Variants in ARFGEF2 observed in about 807,000 individuals in gnomAD.
The protein encoded by ARFGEF2 is ARF guanine nucleotide exchange factor 2, also known as brefeldin A-inhibited guanine nucleotide-exchange protein 2.
ARFGEF2 carries 74 observed loss-of-function variants against 219.9 expected under a neutral mutation model. The ratio of observed to expected loss-of-function variants is 0.34; its 90% CI spans 0.28 to 0.41. ARFGEF2 has a LOEUF of 0.41. Ranked by LOEUF, ARFGEF2 falls within the 10% of genes least tolerant of loss-of-function variation. The pLI, the probability that ARFGEF2 is intolerant of heterozygous loss-of-function variation, is 1.00. For missense variants in ARFGEF2, 1,743 were observed against 2,218.3 expected (o/e 0.79, Z 4.30); for synonymous variants, 733 against 799.2 (o/e 0.92, Z 1.40).
At chr20:48,988,245 C>T (rs1568723385) in intron 16 of ARFGEF2, 59 bp from the exon 17 acceptor site, 8 of 1,247,336 alleles carry the variant, frequency 6.4e-6, no homozygotes, top group Non-Finnish European at 9.4e-6. Flanking sequence ...TCTCTGTTAG[C>T]ATTGTACCTT....
At chr20:48,950,921 A>C (rs1424828618) in intron 3 of ARFGEF2, among the ~76,000 whole-genome samples, 1 of 149,310 alleles carries the variant, frequency 6.7e-6, no homozygotes, top group Non-Finnish European at 1.5e-5. Context: ...GAGTTGTGCA[A>C]CCATTACCAC....
intron 15 of ARFGEF2, 52 bp from the exon 16 acceptor site, chr20:48,985,356 T>C (rs2091320877): frequency 6.3e-7 from 1 of 1,596,140 alleles, no homozygotes; most frequent in African/African-American, 1.3e-5. Flanking sequence ...TGGCTTTTGC[T>C]GAGGGTTCGT....
intron 3 of ARFGEF2, among the ~76,000 whole-genome samples, chr20:48,942,473 GTTTTTT>G (rs58144046): frequency 8.2e-5 from 6 of 73,498 alleles, no homozygotes; most frequent in Non-Finnish European, 1.2e-4. Context: ...TTCTTACTTG[GTTTTTT>G]TTTTTTTTTT....
rs561303664 is a variant in ARFGEF2, at chr20:48,963,806, T to G, written c.839-24T>G. The G allele has an allele frequency of 1.6e-5, 25 of 1,611,004 alleles. No homozygotes were observed. In the African/African-American group the frequency reaches 2.9e-4, roughly 19 times the overall value. On this transcript the variant is annotated intron_variant, in intron 6 of 38. Transcript: ENST00000371917. Reference sequence around the variant, plus strand: ...TTTCCTGAAAATGCCCACGTGTGTTTTGTATATTTGGATGTGTGTGTAGGG... The same window carrying G: ...TTTCCTGAAAATGCCCACGTGTGTTGTGTATATTTGGATGTGTGTGTAGGG...
chr20:48,927,881 C>T (rs944823581), intron 1 of ARFGEF2, among the ~76,000 whole-genome samples: 2 of 151,986 alleles, frequency 1.3e-5, no homozygotes, highest in Non-Finnish European at 2.9e-5. Flanking sequence ...TTGTTGAAAA[C>T]CACTGTGGAT....
intron 14 of ARFGEF2, among the ~76,000 whole-genome samples, chr20:48,978,318 T>C (rs2091274999): frequency 6.6e-6 from 1 of 152,256 alleles, no homozygotes. Flanking sequence ...GACTCTGTGC[T>C]GTTCCATTGG....
chr20:48,952,946 G>A lies in ARFGEF2; in HGVS notation c.603+62G>A. On this transcript the variant is annotated intron_variant, in intron 5 of 38. Transcript: ENST00000371917. ...CATTGCTCTCTGAACTCTATCATGT[G>A]TGACCTTGGTGCCTGTGAAGAATCA... is the stretch of plus-strand genomic sequence containing the variant. 3.2e-6 allele frequency: 5 copies of A among 1,543,506 alleles called. No individual in the cohort carries two copies. The Admixed American group carries it at 5.0e-5, about 15-fold the overall frequency.
At chr20:48,972,530 G>T in intron 11 of ARFGEF2, 105 bp downstream of exon 11, 2 of 903,736 alleles carry the variant, frequency 2.2e-6, no homozygotes, top group Admixed American at 3.8e-5. Flanking sequence ...TAAAGGATTG[G>T]CAATAAAAGG....
At chr20:48,989,225 A>G (rs2091343461) in intron 18 of ARFGEF2, 60 bp from the exon 19 acceptor site, 8 of 1,583,066 alleles carry the variant, frequency 5.1e-6, no homozygotes, top group East Asian at 2.2e-5. Context: ...GAAACAGTGT[A>G]TGGCATGTAG....
chr20:48,997,689 GT>G (rs1405006306), intron 23 of ARFGEF2, among the ~76,000 whole-genome samples: 1 of 152,110 alleles, frequency 6.6e-6, no homozygotes, highest in Non-Finnish European at 1.5e-5. Context: ...ATTTATTTCG[GT>G]GGAGGTGTCA....
At chr20:48,992,375 A>G (rs1341673338) in intron 21 of ARFGEF2, among the ~76,000 whole-genome samples, 1 of 152,198 alleles carries the variant, frequency 6.6e-6, no homozygotes, top group Non-Finnish European at 1.5e-5. Flanking sequence ...CTGTGAAAGA[A>G]TAGAGATGAG....
intron 1 of ARFGEF2, among the ~76,000 whole-genome samples, chr20:48,935,264 GGGTA>G (rs1254090049): frequency 6.6e-6 from 1 of 152,076 alleles, no homozygotes; most frequent in Non-Finnish European, 1.5e-5. Flanking sequence ...TTGTGTCCCT[GGGTA>G]CTTGAGATTA....
At position 48,953,654 on chromosome 20, in the gene ARFGEF2, G is replaced by C. The variant is rs144949006; in HGVS notation, c.702G>C (p.Lys234Asn). 1.2e-6 allele frequency: 2 copies of C among 1,614,024 alleles called. No individual in the cohort carries two copies. The highest frequency in any genetic ancestry group is 2.7e-5 in the African/African-American group (2 of 74,902). ...TATCCCCAAAGTTCGTTCGTTTGAAGCACAGTCAGGCACAAAGCAAACCAA... is the reference window on the plus strand; with the variant it reads ...TATCCCCAAAGTTCGTTCGTTTGAACCACAGTCAGGCACAAAGCAAACCAA... ...AAVSPKFVRL[K>N]HSQAQSKPTT... Residue 234 changes from lysine (K) to asparagine (N), a missense_variant, in exon 6 of 39, where the codon AAG becomes AAC. Transcript: ENST00000371917.
chr20:48,964,043 A>G, intron 7 of ARFGEF2, 145 bp downstream of exon 7: 1 of 762,038 alleles, frequency 1.3e-6, no homozygotes, highest in East Asian at 2.7e-5. Flanking sequence ...ACGTCTGCCC[A>G]TCTTTTATAT....
At chr20:48,992,671 C>T (rs2091363628) in intron 21 of ARFGEF2, among the ~76,000 whole-genome samples, 2 of 152,232 alleles carry the variant, frequency 1.3e-5, no homozygotes, top group African/African-American at 4.8e-5. Context: ...CTGCTGTCAT[C>T]TCCGTGGCGT....
At chr20:48,925,355 AT>A in intron 1 of ARFGEF2, among the ~76,000 whole-genome samples, 1 of 152,338 alleles carries the variant, frequency 6.6e-6, no homozygotes, top group African/African-American at 2.4e-5. Flanking sequence ...TTTGATATAT[AT>A]TAATAATCTT....
intron 1 of ARFGEF2, among the ~76,000 whole-genome samples, chr20:48,937,787 T>C (rs1265820828): frequency 1.3e-5 from 2 of 152,224 alleles, no homozygotes; most frequent in African/African-American, 4.8e-5. Context: ...GCCAGTCCTG[T>C]CAACGCTTGC....
At chr20:48,935,379 A>T (rs982327139) in intron 1 of ARFGEF2, among the ~76,000 whole-genome samples, 1 of 152,156 alleles carries the variant, frequency 6.6e-6, no homozygotes, top group African/African-American at 2.4e-5. Context: ...GAGTGGATAC[A>T]GCACATGTTT....
intron 1 of ARFGEF2, among the ~76,000 whole-genome samples, chr20:48,935,805 C>T (rs2090946349): frequency 6.9e-6 from 1 of 145,072 alleles, no homozygotes; most frequent in South Asian, 2.2e-4. Context: ...GACGGGGCGG[C>T]TGGCCGGGCG....
Sources: gnomAD v4.1 joint callset for allele counts (sites outside exome capture counted in the v4.1 genomes callset) on GRCh38, gnomAD v4.1.1 for gene constraint, MANE v1.5 for transcripts, NCBI Gene and HGNC (gene_info 2026-07-23, HGNC 2026-07-21) for gene names.